Variants in LYRM4 observed in about 807,000 individuals in gnomAD.
LYRM4 encodes the protein LYR motif containing 4, also known as LYR motif-containing protein 4.
Under a neutral mutation model 11.7 loss-of-function variants are expected in LYRM4, and 9 were observed. The ratio of observed to expected loss-of-function variants is 0.77; its 90% CI spans 0.46 to 1.34. LYRM4 has a LOEUF of 1.34. LYRM4 is among the 40% of genes most tolerant of loss of function. LYRM4 has a pLI of 0.00. For missense variants in LYRM4, 133 were observed against 112.5 expected (o/e 1.18, Z -0.82); for synonymous variants, 42 against 40.4 (o/e 1.04, Z -0.15).
intron 2 of LYRM4, among the ~76,000 whole-genome samples, chr6:5,184,910 G>A (rs559810046): frequency 6.6e-6 from 1 of 152,304 alleles, no homozygotes; most frequent in Non-Finnish European, 1.5e-5. Context: ...ACTTGGAAGG[G>A]CCCCTTCCCC....
In LYRM4 at chr6:5,123,699, C is replaced by A. The variant is rs550180743; in HGVS notation, c.208-14208G>T. ...CCACTGACATGCTGCTCTAGCGCGA[C>A]CAGATTCCATTCTGAGGGGCCCATG... On this transcript the variant is annotated intron_variant, in intron 2 of 2. Transcript: ENST00000330636. Among the ~76,000 whole-genome samples the A allele has an allele frequency of 3.9e-5, 6 of 152,364 alleles. No individual in the cohort carries two copies. The South Asian group carries it at 1.2e-3, about 32-fold the overall frequency.
intron 2 of LYRM4, among the ~76,000 whole-genome samples, chr6:5,118,588 T>G (rs898340026): frequency 1.3e-5 from 2 of 152,128 alleles, no homozygotes; most frequent in African/African-American, 4.8e-5. Flanking sequence ...GCAGCAATTG[T>G]CCCTGGTGAG....
At chr6:5,164,944 G>C (rs971817717) in intron 2 of LYRM4, among the ~76,000 whole-genome samples, 2 of 147,366 alleles carry the variant, frequency 1.4e-5, no homozygotes, top group Admixed American at 6.8e-5. Context: ...CTCTAGCCTG[G>C]GCGACAGAGT....
chr6:5,080,567 C>T, the LYRM4 span, among the ~76,000 whole-genome samples: 641 of 152,250 alleles, frequency 4.2e-3, 3 homozygotes, highest in African/African-American at 0.015. Context: ...GTCGAGCATC[C>T]GAACCGGGAG....
intron 2 of LYRM4, among the ~76,000 whole-genome samples, chr6:5,204,501 C>T (rs538614668): frequency 1.6e-4 from 24 of 152,252 alleles, no homozygotes; most frequent in African/African-American, 4.8e-4. Context: ...CAAAAACTGC[C>T]TTCCTTCTGC....
chr6:5,032,432 T>C, the LYRM4 span: 1 of 152,244 alleles, frequency 6.6e-6, no homozygotes, highest in Non-Finnish European at 1.5e-5. Context: ...AAAGATACAG[T>C]TTAATGAGTT....
At chr6:5,107,101 C>A (rs1762684655), downstream of LYRM4, 1 of 152,262 alleles carries the variant, frequency 6.6e-6, no homozygotes, top group Non-Finnish European at 1.5e-5. Flanking sequence ...GCGTTTCCTG[C>A]CACAGAATTC....
At chr6:5,161,985 T>C (rs886781318) in intron 2 of LYRM4, among the ~76,000 whole-genome samples, 8 of 152,152 alleles carry the variant, frequency 5.3e-5, no homozygotes, top group African/African-American at 1.9e-4. Context: ...CTTACCACTT[T>C]CTGTTACTCA....
chr6:5,151,452 G>A (rs145213804), intron 2 of LYRM4, among the ~76,000 whole-genome samples: 2 of 152,126 alleles, frequency 1.3e-5, no homozygotes, highest in African/African-American at 2.4e-5. Context: ...GGTTTGCCCC[G>A]ACTCCTTCAC....
the LYRM4 span, chr6:5,085,890 G>C: frequency 6.5e-7 from 1 of 1,531,368 alleles, no homozygotes; most frequent in South Asian, 1.2e-5. Context: ...TGCAGTTCGC[G>C]GACACGCTGG....
At chr6:5,254,215 G>A (rs2773316) in intron 1 of LYRM4, among the ~76,000 whole-genome samples, 43,520 of 151,982 alleles carry the variant, frequency 0.29, 7,842 homozygotes, top group African/African-American at 0.51. Flanking sequence ...CAAAACCAAC[G>A]CTTCACAAGT....
intron 2 of LYRM4, among the ~76,000 whole-genome samples, chr6:5,118,094 A>ATATATATTTTTTTTTTT: frequency 7.1e-4 from 61 of 86,098 alleles, no homozygotes; most frequent in African/African-American, 1.6e-3. Flanking sequence ...ATATATATAT[A>ATATATATTTTTTTTTTT]TTTTTGTTTT....
intron 2 of LYRM4, among the ~76,000 whole-genome samples, chr6:5,178,869 G>A (rs1370755056): frequency 1.8e-4 from 26 of 141,218 alleles, no homozygotes; most frequent in Admixed American, 9.3e-4. Context: ...GCTACAAAGC[G>A]TTGAAATACA....
At chr6:5,253,194 T>TG (rs1764512537) in intron 1 of LYRM4, among the ~76,000 whole-genome samples, 2 of 152,232 alleles carry the variant, frequency 1.3e-5, no homozygotes, top group South Asian at 4.1e-4. Context: ...CTACACTTGG[T>TG]ATGCATTTGG....
the LYRM4 span, chr6:5,086,556 G>A: frequency 1.3e-6 from 2 of 1,520,516 alleles, no homozygotes; most frequent in Non-Finnish European, 1.8e-6. Context: ...CTGCGGACGC[G>A]CTCTGAGCCT....
intron 2 of LYRM4, among the ~76,000 whole-genome samples, chr6:5,178,266 A>T (rs1384632138): frequency 6.6e-6 from 1 of 152,160 alleles, no homozygotes; most frequent in African/African-American, 2.4e-5. Flanking sequence ...ATGAAGAAAG[A>T]GGCCACTATA....
chr6:5,192,283 C>T lies in LYRM4; in HGVS notation c.207+24335G>A, dbSNP rs919036640. 1.8e-4 allele frequency among the ~76,000 whole-genome samples: 28 copies of T among 152,066 alleles called. 1 individual carries two copies. In the South Asian group the frequency reaches 5.6e-3, roughly 30 times the overall value. ...GCCTGGGGTAGGGTGGTGGAGGGAC[C>T]CTGTGTGGGTAGAGAACGGCTGGGG... On this transcript the variant is annotated intron_variant, in intron 2 of 2. Coordinates refer to ENST00000330636, the MANE Select transcript of LYRM4 (RefSeq NM_020408.6).
intron 2 of LYRM4, chr6:5,113,217 G>A (rs1329989183): frequency 2.8e-6 from 1 of 354,800 alleles, no homozygotes; most frequent in East Asian, 1.0e-4. Context: ...GGTGGATCAC[G>A]AGGTCACAAG....
intron 2 of LYRM4, among the ~76,000 whole-genome samples, chr6:5,131,302 T>C (rs1317249037): frequency 6.6e-6 from 1 of 152,100 alleles, no homozygotes; most frequent in East Asian, 1.9e-4. Flanking sequence ...AAAATGATGG[T>C]GGGGAGCTTT....
Sources: allele counts gnomAD v4.1 joint callset (sites outside exome capture counted in the v4.1 genomes callset), GRCh38; gene constraint gnomAD v4.1.1; transcripts MANE v1.5; gene names NCBI Gene and HGNC (gene_info 2026-07-23, HGNC 2026-07-21).